ISYNA1: variants seen among roughly 807,000 people sequenced by gnomAD.
ISYNA1 encodes the protein MI-1-P synthase.
Under a neutral mutation model 50.3 loss-of-function variants are expected in ISYNA1, and 34 were observed. That is an observed-to-expected ratio of 0.68 (90% CI 0.51 to 0.90). ISYNA1 has a LOEUF of 0.90. Ranked by LOEUF, ISYNA1 falls within the 40% of genes least tolerant of loss-of-function variation. ISYNA1 has a pLI of 0.00. For synonymous variants in ISYNA1, 396 were observed against 349.9 expected (o/e 1.13, Z -1.47); for missense variants, 718 against 784.8 (o/e 0.91, Z 1.02).
In ISYNA1 at chr19:18,436,041, G is replaced by A. The variant is rs140271165; in HGVS notation, c.966C>T (p.Ser322=). 4.3e-6 allele frequency: 7 copies of A among 1,613,244 alleles called. No homozygotes were observed. The African/African-American group carries it at 5.3e-5, about 12-fold the overall frequency. The change falls in exon 7 of 11, where the codon TCC becomes TCT. Residue 322 remains serine (S), a synonymous_variant. Coordinates refer to ENST00000338128, the MANE Select transcript of ISYNA1 (RefSeq NM_016368.5). The part of the protein sequence containing the change: ...KSVLVDFLIG[S]GLKTMSIVSY... ...CCCTAGGCCCACGCACCTTGAGGCC[G>A]GAGCCAATGAGGAAGTCCACAAGCA...
Position 18,437,938 on chromosome 19 carries a change from C to G in ISYNA1, c.42G>C (p.Val14=). The part of the protein sequence containing the change: ...AAQFFVESPD[V]VYGPEAIEAQ... ...CCTCGATGGCCTCGGGGCCGTAGAC[C>G]ACGTCCGGGCTCTCGACGAAGAACT... is the stretch of plus-strand genomic sequence containing the variant. Residue 14 remains valine (V), a synonymous_variant, in exon 2 of 11, where the codon GTG becomes GTC. Coordinates refer to ENST00000338128, the MANE Select transcript of ISYNA1 (RefSeq NM_016368.5). 21 of 1,607,330 alleles carry G rather than the reference C, an allele frequency of 1.3e-5. No homozygotes were observed. The highest frequency in any genetic ancestry group is 1.7e-5 in the Non-Finnish European group (20 of 1,177,952).
chr19:18,435,623 C>T lies in ISYNA1; in HGVS notation c.1194G>A (p.Glu398=), dbSNP rs1022172063. The T allele has an allele frequency of 6.2e-7, 1 of 1,611,546 alleles. No homozygotes were observed. ...YVGDSKRALD[E]YTSELMLGGT... The stretch of plus-strand genomic sequence containing the variant: ...CGCCCAGCATCAGCTCCGAGGTATA[C>T]TCATCCAGCGCGCGCTTGCTGTCAC... Residue 398 remains glutamate (E), a synonymous_variant, in exon 9 of 11, where the codon GAG becomes GAA. Coordinates refer to ENST00000338128, the MANE Select transcript of ISYNA1 (RefSeq NM_016368.5).
In ISYNA1 at chr19:18,437,770, G is replaced by C. The variant is rs1474010557; in HGVS notation, c.121-10C>G. ...TGGACGTGGGGTGCACCTGAAGACA[G>C]GCCGCGCAGTGAATCCCGGGTCCCG... On this transcript the variant is annotated splice_polypyrimidine_tract_variant and intron_variant, in intron 2 of 10. Coordinates refer to ENST00000338128, the MANE Select transcript of ISYNA1 (RefSeq NM_016368.5). The C allele has an allele frequency of 5.0e-6, 8 of 1,589,044 alleles. No individual in the cohort carries two copies. Among genetic ancestry groups the C allele is most frequent in the African/African-American group, 1.3e-5 (1 of 74,478 alleles).
Position 18,435,430 on chromosome 19 carries a change from C to T in ISYNA1, c.1308G>A (p.Leu436=), listed in dbSNP as rs1406421181. The part of the protein sequence containing the change: ...IMLDLALLTE[L]CQRVSFCTDM... ...CAGTGCAGAAGCTCACGCGCTGGCA[C>T]AGCTCGGTCAGCAGCGCTAGGTCCA... Residue 436 remains leucine (L), a synonymous_variant, in exon 10 of 11, where the codon CTG becomes CTA. Transcript: ENST00000338128. 1.2e-6 allele frequency: 2 copies of T among 1,610,302 alleles called. No individual in the cohort carries two copies. Among genetic ancestry groups the T allele is most frequent in the Admixed American group, 3.3e-5 (2 of 60,024 alleles).
Position 18,436,023 on chromosome 19 carries a change from C to G in ISYNA1, c.975+9G>C, listed in dbSNP as rs1974001411. On this transcript the variant is annotated intron_variant, in intron 7 of 10. Transcript: ENST00000338128. Reference sequence around the variant, plus strand: ...TTCCTGCACTCGGCAGCTCCCTAGGCCCACGCACCTTGAGGCCGGAGCCAA... The same window carrying G: ...TTCCTGCACTCGGCAGCTCCCTAGGGCCACGCACCTTGAGGCCGGAGCCAA... 2 of 1,613,382 alleles carry G rather than the reference C, an allele frequency of 1.2e-6. No homozygotes were observed. The highest frequency in any genetic ancestry group is 1.6e-4 in the Middle Eastern group (1 of 6,062).
Position 18,435,499 on chromosome 19 carries a change from G to A in ISYNA1, c.1255-16C>T, listed in dbSNP as rs1299439307. 1.9e-6 allele frequency: 3 copies of A among 1,607,860 alleles called. No individual in the cohort carries two copies. The African/African-American group carries it at 4.0e-5, about 21-fold the overall frequency. ...GCAGCGAGTCCTGCGGGGCGGGTGG[G>A]TCAGGAGATGGGGGCGGTGGCCAAG... On this transcript the variant is annotated splice_polypyrimidine_tract_variant and intron_variant, in intron 9 of 10. Coordinates refer to ENST00000338128, the MANE Select transcript of ISYNA1 (RefSeq NM_016368.5).
rs555026553 is a variant in ISYNA1, at chr19:18,436,514, G to A, written c.610-35C>T. The A allele has an allele frequency of 3.7e-6, 6 of 1,601,788 alleles. No homozygotes were observed. The African/African-American group carries it at 4.0e-5, about 11-fold the overall frequency. On this transcript the variant is annotated intron_variant, in intron 5 of 10. Coordinates refer to ENST00000338128, the MANE Select transcript of ISYNA1 (RefSeq NM_016368.5). ...GGATGGTGAGGGTGTGGGGAGGATG[G>A]AGAGGGTGTAGGGAAGTTGGTTGTA...
chr19:18,435,358 G>C lies in ISYNA1; in HGVS notation c.1380C>G (p.Leu460=). 1 of 1,611,150 alleles carries C rather than the reference G, an allele frequency of 6.2e-7. No individual in the cohort carries two copies. Among genetic ancestry groups the C allele is most frequent in the Non-Finnish European group, 8.5e-7 (1 of 1,179,992 alleles). Residue 460 remains leucine, a synonymous_variant, in exon 10 of 11, where the codon CTC becomes CTG. Coordinates refer to ENST00000338128, the MANE Select transcript of ISYNA1 (RefSeq NM_016368.5). ...CTAGTGGCGCCTTGAAGAGGAAGCT[G>C]AGCAGGGACAGCACGGGGTGGAAGG... ...PQTFHPVLSL[L]SFLFKAPLVP... is the part of the protein sequence containing the mutation.
rs777655216 is a variant in ISYNA1 at position 18,436,191 on chromosome 19, G to T, written c.816C>A (p.Gly272=). Residue 272 remains glycine (G), a synonymous_variant, in exon 7 of 11, where the codon GGC becomes GGA. Coordinates refer to ENST00000338128, the MANE Select transcript of ISYNA1 (RefSeq NM_016368.5). ...TLFAVASILE[G]CAFLNGSPQN... ...GCGGAGACCCATTGAGGAAGGCACA[G>T]CCCTCCAGGATGCTGGCCACGGCGA... 6.2e-7 allele frequency: 1 copy of T among 1,611,478 alleles called. No individual in the cohort carries two copies. The highest frequency in any genetic ancestry group is 1.7e-5 in the Admixed American group (1 of 60,032).
chr19:18,436,516 G>A (rs746121130), intron 5 of ISYNA1, 37 bp from the exon 6 acceptor site: 43 of 1,601,520 alleles, frequency 2.7e-5, no homozygotes, highest in Non-Finnish European at 3.5e-5. Flanking sequence ...GGAGGATGGA[G>A]AGGGTGTAGG....
chr19:18,436,300 C>T, intron 6 of ISYNA1, 30 bp downstream of exon 6: 1 of 1,609,820 alleles, frequency 6.2e-7, no homozygotes, highest in Non-Finnish European at 8.5e-7. Context: ...CTGGCCCTGC[C>T]TGACCCGCTC....
Position 18,435,673 on chromosome 19 carries a change from C to G in ISYNA1, c.1144G>C (p.Val382Leu), listed in dbSNP as rs775362357. The G allele has an allele frequency of 1.2e-6, 2 of 1,611,862 alleles. No homozygotes were observed. Among genetic ancestry groups the G allele is most frequent in the East Asian group, 4.5e-5 (2 of 44,814 alleles). Residue 382 changes from valine to leucine, a missense_variant, in exon 9 of 11, where the codon GTC becomes CTC. By Grantham distance (32) the Val-to-Leu change is conservative. This residue lies in a region of ISYNA1 where 305 missense variants were observed against 292.6 expected (regional missense o/e 1.04). Transcript: ENST00000338128. ...TPGEEPDHCV[V>L]IKYVPYVGDS... ...CCCACGTACGGCACATACTTGATGA[C>G]CACCTGGAGTGCAGCAGGAGTTTGC... is the stretch of plus-strand genomic sequence containing the variant.
Position 18,435,843 on chromosome 19 carries a change from T to A in ISYNA1, c.1054A>T (p.Lys352Ter). Reference sequence around the variant, plus strand: ...ACCACGTTGCTCTTGGACACCTCCTTAGAGCGGAACTGCAATGGCGCCGAT... The same window carrying A: ...ACCACGTTGCTCTTGGACACCTCCTAAGAGCGGAACTGCAATGGCGCCGAT... ...NLSAPLQFRS[K>*]EVSKSNVVDD... Residue 352 changes from lysine (K) to a stop codon, truncating the protein, a stop_gained, in exon 8 of 11, where the codon AAG becomes TAG. Transcript: ENST00000338128. LOFTEE classifies it high-confidence loss of function. 1 of 1,614,012 alleles carries A rather than the reference T, an allele frequency of 6.2e-7. No homozygotes were observed. Among genetic ancestry groups the A allele is most frequent in the Non-Finnish European group, 8.5e-7 (1 of 1,179,954 alleles).
rs201176038 is a variant in ISYNA1 at position 18,436,103 on chromosome 19, C to T, written c.904G>A (p.Asp302Asn). 6.2e-7 allele frequency: 1 copy of T among 1,613,062 alleles called. No individual in the cohort carries two copies. The highest frequency in any genetic ancestry group is 8.5e-7 in the Non-Finnish European group (1 of 1,179,926). Residue 302 changes from aspartate to asparagine, a missense_variant, in exon 7 of 11, where the codon GAT becomes AAT. Physicochemically the swap from Asp to Asn is conservative, Grantham distance 23. Transcript: ENST00000338128. ...TTGGTCTGGCCTGACTTGAAGTCAT[C>T]TCCGCCCACAAAAACCCGGTGCTGC... ...AWQHRVFVGG[D>N]DFKSGQTKVK...
chr19:18,437,553 G>A (rs1974112253), intron 3 of ISYNA1, 46 bp downstream of exon 3: 1 of 1,266,024 alleles, frequency 7.9e-7, no homozygotes, highest in South Asian at 1.7e-5. Flanking sequence ...CGCCCGCAAG[G>A]ACTCCCACCA....
Position 18,435,656 on chromosome 19 carries a change from C to T in ISYNA1, c.1161G>A (p.Pro387=), listed in dbSNP as rs777014766. The change falls in exon 9 of 11, where the codon CCG becomes CCA. Residue 387 remains proline (P), a synonymous_variant. Coordinates refer to ENST00000338128, the MANE Select transcript of ISYNA1 (RefSeq NM_016368.5). ...PDHCVVIKYV[P]YVGDSKRALD... ...GCGCGCGCTTGCTGTCACCCACGTA[C>T]GGCACATACTTGATGACCACCTGGA... The T allele has an allele frequency of 1.3e-5, 21 of 1,611,648 alleles. No homozygotes were observed. Among genetic ancestry groups the T allele is most frequent in the South Asian group, 4.4e-5 (4 of 90,862 alleles).
At position 18,435,569 on chromosome 19, in the gene ISYNA1, C is replaced by G. The variant is rs773499760; in HGVS notation, c.1248G>C (p.Thr416=). The G allele has an allele frequency of 6.6e-5, 106 of 1,606,518 alleles. No individual in the cohort carries two copies. Among genetic ancestry groups the G allele is most frequent in the Non-Finnish European group, 8.7e-5 (102 of 1,176,894 alleles). Residue 416 remains threonine, a synonymous_variant, in exon 9 of 11, where the codon ACG becomes ACC. Coordinates refer to ENST00000338128, the MANE Select transcript of ISYNA1 (RefSeq NM_016368.5). ...GGTNTLVLHN[T]CEDSLLAAPI... ...CCCTGAAGCCGCGCCGCACCTCACA[C>G]GTGTTGTGCAGCACCAGTGTGTTGG...
At chr19:18,435,729 C>A in intron 8 of ISYNA1, 28 bp downstream of exon 8, 1 of 1,606,662 alleles carries the variant, frequency 6.2e-7, no homozygotes, top group South Asian at 1.1e-5. Context: ...GCCGGGCAAC[C>A]CCGCGCCCGC....
intron 9 of ISYNA1, 30 bp from the exon 10 acceptor site, chr19:18,435,513 G>A (rs1973954611): frequency 1.9e-6 from 3 of 1,606,340 alleles, no homozygotes; most frequent in South Asian, 2.2e-5. Flanking sequence ...GGAGATGGGG[G>A]CGGTGGCCAA....
Sources: allele counts gnomAD v4.1 joint callset, GRCh38; gene constraint gnomAD v4.1.1; regional missense constraint gnomAD v4.1.1; transcripts MANE v1.5; gene names NCBI Gene and HGNC (gene_info 2026-07-23, HGNC 2026-07-21).